CSGALNACT1: variants seen among roughly 807,000 people sequenced by gnomAD.
The protein encoded by CSGALNACT1 is beta4GalNAcT-1.
CSGALNACT1 carries 52 observed loss-of-function variants against 51.0 expected under a neutral mutation model. The observed-to-expected ratio is 1.02, with a 90% CI of 0.82 to 1.29. The LOEUF is 1.29. Among genes scored for constraint, CSGALNACT1 ranks in the 50% most tolerant of loss-of-function variants. CSGALNACT1 has a pLI of 0.00. For synonymous variants in CSGALNACT1, 341 were observed against 254.4 expected, an observed-to-expected ratio of 1.34 and a Z score of -3.24; for missense variants, 935 against 679.2, an observed-to-expected ratio of 1.38 and a Z score of -4.19.
chr8:19,718,120 T>G (rs1182641173), intron 1 of CSGALNACT1, among the ~76,000 whole-genome samples: 2 of 151,964 alleles, frequency 1.3e-5, no homozygotes, highest in Non-Finnish European at 2.9e-5. Context: ...TGAGACAGAG[T>G]CTCATGCTGT....
chr8:19,514,480 T>TATATATATATATATAC (rs1416633976), intron 3 of CSGALNACT1, among the ~76,000 whole-genome samples: 1 of 75,962 alleles, frequency 1.3e-5, no homozygotes, highest in Non-Finnish European at 2.8e-5. Context: ...AGAGACTATA[T>TATATATATATATATAC]ATATATATAT....
At chr8:19,634,800 G>C (rs1384334551) in intron 1 of CSGALNACT1, among the ~76,000 whole-genome samples, 1 of 152,180 alleles carries the variant, frequency 6.6e-6, no homozygotes, top group East Asian at 1.9e-4. Flanking sequence ...CTTCATCTTG[G>C]ACTTCCAGCC....
intron 3 of CSGALNACT1, among the ~76,000 whole-genome samples, chr8:19,587,337 T>A (rs1436917871): frequency 6.6e-6 from 1 of 152,204 alleles, no homozygotes; most frequent in Non-Finnish European, 1.5e-5. Context: ...TAAGCAAAAC[T>A]TGGAATCAGA....
At chr8:19,492,980 T>C (rs1233912257) in intron 4 of CSGALNACT1, among the ~76,000 whole-genome samples, 1 of 152,048 alleles carries the variant, frequency 6.6e-6, no homozygotes, top group Non-Finnish European at 1.5e-5. Flanking sequence ...CATGACAAGG[T>C]TACGATCAAG....
rs560894823 is a variant in CSGALNACT1 at position 19,431,530 on chromosome 8, A to G, written c.953+8300T>C. On this transcript the variant is annotated intron_variant, in intron 6 of 9. Transcript: ENST00000454498. Reference sequence around the variant, plus strand: ...AAAAAATCACACTTGGTAATTGCATATAATTCTTTTTTTTTATGTTGTTGG... The same window carrying G: ...AAAAAATCACACTTGGTAATTGCATGTAATTCTTTTTTTTTATGTTGTTGG... Among the ~76,000 whole-genome samples, 5 of 152,038 alleles carry G rather than the reference A, an allele frequency of 3.3e-5. No homozygotes were observed. The South Asian group carries it at 1.0e-3, about 32-fold the overall frequency.
intron 1 of CSGALNACT1, among the ~76,000 whole-genome samples, chr8:19,725,817 C>T (rs188505511): frequency 2.6e-5 from 4 of 152,076 alleles, no homozygotes; most frequent in East Asian, 3.9e-4. Flanking sequence ...CCCTCTACCC[C>T]CAACACATAC....
chr8:19,616,176 A>G (rs1267884013), intron 1 of CSGALNACT1, among the ~76,000 whole-genome samples: 3 of 152,250 alleles, frequency 2.0e-5, no homozygotes, highest in Non-Finnish European at 2.9e-5. Flanking sequence ...TATCTTAAAT[A>G]TTCATATGAG....
At chr8:19,471,597 G>T (rs1401855238) in intron 4 of CSGALNACT1, among the ~76,000 whole-genome samples, 3 of 152,126 alleles carry the variant, frequency 2.0e-5, no homozygotes, top group African/African-American at 7.2e-5. Flanking sequence ...ACCTGTAGGG[G>T]TTCGACGCCG....
intron 1 of CSGALNACT1, among the ~76,000 whole-genome samples, chr8:19,703,910 G>A (rs2062012700): frequency 6.6e-6 from 1 of 152,170 alleles, no homozygotes; most frequent in African/African-American, 2.4e-5. Flanking sequence ...GCTCTCAGGA[G>A]CCTCTTACAT....
intron 3 of CSGALNACT1, among the ~76,000 whole-genome samples, chr8:19,518,350 C>T (rs558087406): frequency 1.3e-5 from 2 of 152,286 alleles, no homozygotes; most frequent in Non-Finnish European, 2.9e-5. Context: ...TTCAAGATGG[C>T]AGCTCCATCT....
intron 3 of CSGALNACT1, among the ~76,000 whole-genome samples, chr8:19,569,335 C>A (rs148730950): frequency 6.6e-6 from 1 of 152,184 alleles, no homozygotes; most frequent in African/African-American, 2.4e-5. Context: ...TTGACTCACA[C>A]TGCTGATGGA....
At chr8:19,570,924 A>G (rs920930007) in intron 3 of CSGALNACT1, among the ~76,000 whole-genome samples, 1 of 152,096 alleles carries the variant, frequency 6.6e-6, no homozygotes, top group African/African-American at 2.4e-5. Context: ...AAAACAAACA[A>G]ACAAACAAAA....
intron 1 of CSGALNACT1, among the ~76,000 whole-genome samples, chr8:19,621,584 C>G (rs1057210227): frequency 3.3e-5 from 5 of 152,024 alleles, no homozygotes; most frequent in African/African-American, 1.2e-4. Context: ...CAAGACCAGC[C>G]TGGGCAACGT....
chr8:19,512,164 T>A (rs2078589631), intron 3 of CSGALNACT1, among the ~76,000 whole-genome samples: 1 of 152,168 alleles, frequency 6.6e-6, no homozygotes, highest in South Asian at 2.1e-4. Context: ...GGGTGCCCTC[T>A]CTCCCAAGCA....
At chr8:19,606,836 A>G (rs932697623), upstream of CSGALNACT1, among the ~76,000 whole-genome samples, 13 of 152,172 alleles carry the variant, frequency 8.5e-5, no homozygotes, top group Admixed American at 3.3e-4. Context: ...AGGATACCCA[A>G]TATTATTTTC....
chr8:19,716,616 A>C (rs2062825185), intron 1 of CSGALNACT1, among the ~76,000 whole-genome samples: 1 of 130,968 alleles, frequency 7.6e-6, no homozygotes, highest in East Asian at 2.2e-4. Context: ...TCTCTACAAA[A>C]AAAAAAAAAA....
intron 1 of CSGALNACT1, among the ~76,000 whole-genome samples, chr8:19,631,873 G>T (rs552907032): frequency 1.9e-4 from 29 of 152,332 alleles, no homozygotes; most frequent in Non-Finnish European, 8.8e-5. Context: ...GTGTGGGCCA[G>T]GGCAGCAGGG....
At chr8:19,415,022 G>C (rs7006702) in intron 8 of CSGALNACT1, among the ~76,000 whole-genome samples, 71,184 of 151,950 alleles carry the variant, frequency 0.47, 18,130 homozygotes, top group East Asian at 0.83. Context: ...TTCTCCTTTG[G>C]AATTTTTGTC....
chr8:19,520,303 A>G (rs1290463311), intron 3 of CSGALNACT1, among the ~76,000 whole-genome samples: 1 of 152,270 alleles, frequency 6.6e-6, no homozygotes. Flanking sequence ...TAAAAAATGT[A>G]GGGAAAAATA....
Sources: allele counts gnomAD v4.1 joint callset (sites outside exome capture counted in the v4.1 genomes callset), GRCh38; gene constraint gnomAD v4.1.1; transcripts MANE v1.5; gene names NCBI Gene and HGNC (gene_info 2026-07-23, HGNC 2026-07-21).